SPOCK1: variants seen among roughly 807,000 people sequenced by gnomAD.
SPOCK1 encodes SPARC (osteonectin), cwcv and kazal like domains proteoglycan 1.
In SPOCK1, 23 loss-of-function variants were observed where a neutral mutation model predicts 55.3. The ratio of observed to expected loss-of-function variants is 0.42; its 90% CI spans 0.30 to 0.59. SPOCK1 has a LOEUF of 0.59. Among genes scored for constraint, SPOCK1 ranks in the 20% least tolerant of loss-of-function variants. The pLI is 0.22. For synonymous variants in SPOCK1, 226 were observed against 221.0 expected (o/e 1.02, Z -0.20); for missense variants, 499 against 552.5 (o/e 0.90, Z 0.97).
At chr5:137,097,132 T>A (rs979521775) in intron 5 of SPOCK1, among the ~76,000 whole-genome samples, 1 of 150,368 alleles carries the variant, frequency 6.7e-6, no homozygotes, top group Non-Finnish European at 1.5e-5. Flanking sequence ...TCACACCTAC[T>A]TACACACAGG....
chr5:137,302,676 A>G (rs1197214962), intron 2 of SPOCK1, among the ~76,000 whole-genome samples: 1 of 152,168 alleles, frequency 6.6e-6, no homozygotes, highest in African/African-American at 2.4e-5. Context: ...TTCTTCTCCC[A>G]TGGAAATAAA....
chr5:137,140,790 G>C (rs565417083), intron 3 of SPOCK1, 96 bp from the exon 4 acceptor site: 2 of 754,924 alleles, frequency 2.6e-6, no homozygotes, highest in South Asian at 4.7e-5. Context: ...ACGGACTCTC[G>C]CTGTGTTGCC....
intron 6 of SPOCK1, among the ~76,000 whole-genome samples, chr5:137,030,535 A>G (rs1751759811): frequency 6.6e-6 from 1 of 152,228 alleles, no homozygotes; most frequent in South Asian, 2.1e-4. Flanking sequence ...TAAAATAGGA[A>G]TCAATTCTGG....
intron 6 of SPOCK1, among the ~76,000 whole-genome samples, chr5:137,041,724 G>A (rs922570424): frequency 1.6e-4 from 25 of 152,110 alleles, no homozygotes; most frequent in African/African-American, 7.2e-5. Context: ...ATTTTTCATA[G>A]GGAAATACAA....
chr5:137,003,035 A>C (rs564777334), intron 6 of SPOCK1, among the ~76,000 whole-genome samples: 3 of 152,350 alleles, frequency 2.0e-5, no homozygotes, highest in African/African-American at 7.2e-5. Context: ...TGAGGAGCCC[A>C]CTTTGAATAA....
chr5:137,058,071 T>C (rs1267511469), intron 6 of SPOCK1, among the ~76,000 whole-genome samples: 1 of 152,196 alleles, frequency 6.6e-6, no homozygotes, highest in Admixed American at 6.5e-5. Context: ...TGTGATCTCG[T>C]AAAGGGCTAT....
chr5:137,145,651 G>T (rs1214905019), intron 3 of SPOCK1, among the ~76,000 whole-genome samples: 3 of 152,214 alleles, frequency 2.0e-5, no homozygotes, highest in East Asian at 3.8e-4. Flanking sequence ...TGAATACAAA[G>T]AGGTGAGCAA....
At chr5:137,225,392 C>T (rs189217030) in intron 3 of SPOCK1, among the ~76,000 whole-genome samples, 1 of 152,292 alleles carries the variant, frequency 6.6e-6, no homozygotes, top group Non-Finnish European at 1.5e-5. Context: ...GACTGTCACA[C>T]AGTACCCACA....
rs187748699 is a variant in SPOCK1, at chr5:137,105,630, G to T, written c.474+6805C>A. ...ACATGACCTTTACAAGGTAGCAATT[G>T]TTGGAAACTATTAAGATGCCTCTGA... On this transcript the variant is annotated intron_variant, in intron 5 of 10. Transcript: ENST00000394945. Among the ~76,000 whole-genome samples the T allele has an allele frequency of 1.8e-3, 278 of 152,276 alleles. 3 individuals are homozygous for T. The highest frequency in any genetic ancestry group is 2.1e-3 in the Non-Finnish European group (140 of 68,026).
At chr5:137,094,401 G>A (rs565138400) in intron 5 of SPOCK1, among the ~76,000 whole-genome samples, 1 of 152,112 alleles carries the variant, frequency 6.6e-6, no homozygotes, top group African/African-American at 2.4e-5. Flanking sequence ...AGTATTGTGG[G>A]TTCATTCCCA....
intron 3 of SPOCK1, among the ~76,000 whole-genome samples, chr5:137,247,594 A>T (rs1218937466): frequency 6.6e-6 from 1 of 152,236 alleles, no homozygotes; most frequent in Non-Finnish European, 1.5e-5. Context: ...CTTTAAAAAA[A>T]ACTGCTTATC....
At chr5:137,167,516 A>T (rs890081551) in intron 3 of SPOCK1, among the ~76,000 whole-genome samples, 3 of 152,078 alleles carry the variant, frequency 2.0e-5, no homozygotes, top group Non-Finnish European at 2.9e-5. Context: ...CAGAATACAC[A>T]TTATTTTTTT....
chr5:137,117,151 C>T (rs563452791), intron 4 of SPOCK1, among the ~76,000 whole-genome samples: 185 of 152,342 alleles, frequency 1.2e-3, no homozygotes, highest in African/African-American at 4.2e-3. Context: ...TCTTCCTGCT[C>T]ATACCAGTTT....
intron 2 of SPOCK1, among the ~76,000 whole-genome samples, chr5:137,269,823 A>G (rs1448326490): frequency 2.0e-5 from 3 of 152,144 alleles, no homozygotes; most frequent in East Asian, 1.9e-4. Context: ...GGACATAAGG[A>G]TAGTTGTCAG....
At chr5:137,106,209 C>T (rs1182117926) in intron 5 of SPOCK1, among the ~76,000 whole-genome samples, 1 of 152,016 alleles carries the variant, frequency 6.6e-6, no homozygotes, top group Non-Finnish European at 1.5e-5. Context: ...AGTTCCTCAC[C>T]AGATCTCCTC....
intron 2 of SPOCK1, among the ~76,000 whole-genome samples, chr5:137,286,631 G>A (rs1013048097): frequency 7.9e-5 from 12 of 152,162 alleles, no homozygotes; most frequent in African/African-American, 2.9e-4. Context: ...AAAATCCAGG[G>A]GAGACTGCAG....
chr5:137,325,412 C>T (rs1179677350), intron 2 of SPOCK1, among the ~76,000 whole-genome samples: 2 of 152,168 alleles, frequency 1.3e-5, no homozygotes, highest in Non-Finnish European at 2.9e-5. Context: ...TACCCCAACA[C>T]CCTCCTCATC....
At chr5:137,196,811 T>C (rs1331210135) in intron 3 of SPOCK1, among the ~76,000 whole-genome samples, 1 of 152,252 alleles carries the variant, frequency 6.6e-6, no homozygotes, top group Non-Finnish European at 1.5e-5. Flanking sequence ...TTTATCATCA[T>C]GTGACCAGTA....
intron 2 of SPOCK1, among the ~76,000 whole-genome samples, chr5:137,275,092 A>G (rs974970741): frequency 6.6e-6 from 1 of 152,266 alleles, no homozygotes; most frequent in African/African-American, 2.4e-5. Flanking sequence ...TACATGTAGA[A>G]AACAGATGGA....
Sources: gnomAD v4.1 joint callset for allele counts (sites outside exome capture counted in the v4.1 genomes callset) on GRCh38, gnomAD v4.1.1 for gene constraint, MANE v1.5 for transcripts, NCBI Gene and HGNC (gene_info 2026-07-23, HGNC 2026-07-21) for gene names.